The following FRY variants were observed in gnomAD, a reference collection of about 807,000 sequenced individuals.
FRY encodes the protein protein furry homolog.
In FRY, 128 loss-of-function variants were observed where a neutral mutation model predicts 348.4. That is an observed-to-expected ratio of 0.37 (90% CI 0.32 to 0.43). The LOEUF (loss-of-function observed/expected upper bound fraction) is 0.43. Among genes scored for constraint, FRY ranks in the 20% least tolerant of loss-of-function variants. The pLI, the probability that FRY is intolerant of heterozygous loss-of-function variation, is 1.00. For synonymous variants in FRY, 1,370 were observed against 1,374.7 expected (o/e 1.00, Z 0.08); for missense variants, 2,736 against 3,695.2 (o/e 0.74, Z 6.73).
At chr13:32,266,701 T>C (rs1566181009) in intron 54 of FRY, among the ~76,000 whole-genome samples, 1 of 152,196 alleles carries the variant, frequency 6.6e-6, no homozygotes, top group African/African-American at 2.4e-5. Context: ...CCGTGACCTC[T>C]TGCCAGGTGC....
intron 2 of FRY, among the ~76,000 whole-genome samples, chr13:32,089,246 T>C (rs1304375310): frequency 6.6e-6 from 1 of 152,198 alleles, no homozygotes; most frequent in Non-Finnish European, 1.5e-5. Flanking sequence ...ATTTTTACTG[T>C]TGCTTACATA....
At chr13:32,274,515 T>C (rs574059313) in intron 55 of FRY, among the ~76,000 whole-genome samples, 37 of 151,630 alleles carry the variant, frequency 2.4e-4, no homozygotes, top group South Asian at 4.2e-4. Flanking sequence ...CCATCCTGGC[T>C]AACACAGTGA....
At chr13:32,243,713 A>G (rs2073997) in intron 46 of FRY, among the ~76,000 whole-genome samples, 79,122 of 152,098 alleles carry the variant, frequency 0.52, 22,637 homozygotes, top group African/African-American at 0.77. Flanking sequence ...TTATACTTAC[A>G]TATTTACACC....
At chr13:32,057,448 A>T (rs1001520470) in intron 1 of FRY, among the ~76,000 whole-genome samples, 4 of 152,150 alleles carry the variant, frequency 2.6e-5, no homozygotes, top group Admixed American at 1.3e-4. Flanking sequence ...CTGGGATTAT[A>T]GGCATGAGCC....
At chr13:32,157,667 T>G (rs1294111989) in intron 16 of FRY, among the ~76,000 whole-genome samples, 1 of 152,220 alleles carries the variant, frequency 6.6e-6, no homozygotes, top group African/African-American at 2.4e-5. Flanking sequence ...GTCCATGTTT[T>G]TCAGAAATGG....
chr13:32,227,796 G>A (rs572026276), intron 39 of FRY, among the ~76,000 whole-genome samples: 78 of 142,890 alleles, frequency 5.5e-4, no homozygotes, highest in African/African-American at 1.9e-3. Flanking sequence ...CTGTCTCCCA[G>A]GCTGGAGCGC....
Position 32,078,852 on chromosome 13 carries a change from G to A in FRY, c.89G>A (p.Gly30Asp). Residue 30 changes from glycine (G) to aspartate (D), a missense_variant, in exon 2 of 61, where the codon GGT becomes GAT. By Grantham distance (94) the Gly-to-Asp change is moderately conservative (BLOSUM62 -1). Coordinates refer to ENST00000542859, the MANE Select transcript of FRY (RefSeq NM_023037.3). ...TTTTCAGCTTCTCCCGTTGGCAACG[G>A]TTACATCAAGCCTCCGGTTCCACCT... ...SWSNTSPVGN[G>D]YIKPPVPPAS... 1 of 1,613,996 alleles carries A rather than the reference G, an allele frequency of 6.2e-7. No individual in the cohort carries two copies. Among genetic ancestry groups the A allele is most frequent in the Non-Finnish European group, 8.5e-7 (1 of 1,179,920 alleles).
intron 34 of FRY, 61 bp from the exon 35 acceptor site, chr13:32,212,231 T>G: frequency 1.4e-5 from 13 of 917,196 alleles, no homozygotes; most frequent in Non-Finnish European, 2.1e-5. Context: ...ACTTGAGACT[T>G]GAGCTTGACC....
chr13:32,293,212 T>G (rs540105645), intron 59 of FRY, among the ~76,000 whole-genome samples: 1 of 152,240 alleles, frequency 6.6e-6, no homozygotes, highest in Non-Finnish European at 1.5e-5. Flanking sequence ...ACATAAGTTT[T>G]AAATAATGTA....
chr13:32,203,989 A>G (rs1016062843), intron 31 of FRY, among the ~76,000 whole-genome samples: 1 of 152,246 alleles, frequency 6.6e-6, no homozygotes, highest in African/African-American at 2.4e-5. Flanking sequence ...TGTCCTAAAA[A>G]TAGCTGATAA....
chr13:32,258,076 T>C, intron 51 of FRY: 1 of 874,668 alleles, frequency 1.1e-6, no homozygotes. Context: ...AGAATATATA[T>C]GCTTATTTGC....
At chr13:32,149,605 G>C in intron 13 of FRY, 143 bp from the exon 14 acceptor site, 1 of 668,192 alleles carries the variant, frequency 1.5e-6, no homozygotes, top group Non-Finnish European at 2.7e-6. Context: ...CTTCCTCCAG[G>C]TTCTCTGCAA....
At position 32,237,478 on chromosome 13, in the gene FRY, C is replaced by T. The variant is rs375375428; in HGVS notation, c.5910C>T (p.Thr1970=). The T allele has an allele frequency of 3.6e-5, 58 of 1,613,968 alleles. No individual in the cohort carries two copies. Among genetic ancestry groups the T allele is most frequent in the Non-Finnish European group, 4.5e-5 (53 of 1,180,036 alleles). ...NMNPGTTSGN[T]ATAERSRHQR... is the part of the protein sequence containing the mutation. ...ACCCGGGAACCACCAGCGGCAACAC[C>T]GCAACTGCCGAACGGAGCCGGCATC... The change falls in exon 44 of 61, where the codon ACC becomes ACT. Residue 1970 remains threonine, a synonymous_variant. Transcript: ENST00000542859. This position sits in a 1 kb window ranked among gnomAD's most constrained non-coding sequence, Gnocchi z 6.3.
intron 17 of FRY, among the ~76,000 whole-genome samples, chr13:32,170,544 TTTGTTTTTC>T (rs1881999126): frequency 1.3e-5 from 2 of 152,220 alleles, no homozygotes; most frequent in Non-Finnish European, 2.9e-5. Context: ...TTTGTTTTGT[TTTGTTTTTC>T]TGAGATGGAG....
chr13:32,208,598 G>C (rs757231341), intron 31 of FRY, among the ~76,000 whole-genome samples: 5 of 152,124 alleles, frequency 3.3e-5, no homozygotes, highest in Non-Finnish European at 5.9e-5. Context: ...CAGTGGATTT[G>C]AACTCACTCC....
intron 22 of FRY, among the ~76,000 whole-genome samples, 172 bp from the exon 23 acceptor site, chr13:32,179,503 T>TTGTGTG (rs10628771): frequency 0.042 from 5,820 of 137,574 alleles, 181 homozygotes; most frequent in African/African-American, 0.08. Context: ...TGTATTAAAT[T>TTGTGTG]TGTGTGTGTG....
At chr13:32,090,406 G>A (rs926658364) in intron 2 of FRY, among the ~76,000 whole-genome samples, 1 of 150,012 alleles carries the variant, frequency 6.7e-6, no homozygotes, top group South Asian at 2.1e-4. Flanking sequence ...GTGTGGTCAA[G>A]GAAGGCACTA....
chr13:32,270,946 C>T (rs1047558545), intron 55 of FRY, among the ~76,000 whole-genome samples: 3 of 152,226 alleles, frequency 2.0e-5, no homozygotes, highest in Non-Finnish European at 4.4e-5. Context: ...CAGCTTCTAA[C>T]TTCATGTCAG....
chr13:32,217,895 A>G (rs1025679746), intron 35 of FRY, among the ~76,000 whole-genome samples: 17 of 152,130 alleles, frequency 1.1e-4, no homozygotes, highest in Non-Finnish European at 1.9e-4. Flanking sequence ...GTTACTTCTT[A>G]ACAAGCCACA....
Sources: allele counts gnomAD v4.1 joint callset (sites outside exome capture counted in the v4.1 genomes callset), GRCh38; gene constraint gnomAD v4.1.1; non-coding constraint Gnocchi (gnomAD v3.1); transcripts MANE v1.5; gene names NCBI Gene and HGNC (gene_info 2026-07-23, HGNC 2026-07-21).